CNTN4: variants seen among roughly 807,000 people sequenced by gnomAD.
The protein encoded by CNTN4 is contactin 4.
A neutral mutation model predicts 122.5 loss-of-function variants in CNTN4; 77 were observed. The ratio of observed to expected loss-of-function variants is 0.63; its 90% CI spans 0.52 to 0.76. CNTN4 has a LOEUF of 0.76. Among genes scored for constraint, CNTN4 ranks in the 30% least tolerant of loss-of-function variants. CNTN4 has a pLI of 0.00. For missense variants in CNTN4, 1,256 were observed against 1,259.1 expected, an observed-to-expected ratio of 1.00 and a Z score of 0.04; for synonymous variants, 512 against 447.0, an observed-to-expected ratio of 1.15 and a Z score of -1.83.
intron 12 of CNTN4, among the ~76,000 whole-genome samples, chr3:2,922,355 G>C (rs2094437246): frequency 6.6e-6 from 1 of 152,112 alleles, no homozygotes; most frequent in South Asian, 2.1e-4. Context: ...AGTGTTTGAG[G>C]ATGAGAATAA....
intron 4 of CNTN4, among the ~76,000 whole-genome samples, chr3:2,643,196 T>C (rs1439385677): frequency 6.6e-6 from 1 of 152,150 alleles, no homozygotes; most frequent in Non-Finnish European, 1.5e-5. Context: ...TTGTTTGAGA[T>C]GGAGTCTCTC....
At chr3:3,035,854 C>G (rs1699556155) in intron 17 of CNTN4, among the ~76,000 whole-genome samples, 1 of 151,964 alleles carries the variant, frequency 6.6e-6, no homozygotes, top group African/African-American at 2.4e-5. Flanking sequence ...TGTGTCCAGC[C>G]CCATTTTTTT....
At chr3:2,313,137 A>C in intron 2 of CNTN4, among the ~76,000 whole-genome samples, 1 of 152,052 alleles carries the variant, frequency 6.6e-6, no homozygotes, top group East Asian at 1.9e-4. Context: ...AGAAATAGAA[A>C]CAAAAAATAG....
rs114303808 is a variant in CNTN4 at position 2,604,795 on chromosome 3, T to C, written c.55+33237T>C. 5.3e-3 allele frequency among the ~76,000 whole-genome samples: 803 copies of C among 152,276 alleles called. 5 individuals carry two copies. The highest frequency in any genetic ancestry group is 0.019 in the African/African-American group (780 of 41,560). ...CATCACAATCAATGCCATAAACTTA[T>C]TCATCACCTCCATAAGTTTTCTCCT... On this transcript the variant is annotated intron_variant, in intron 4 of 24. Transcript: ENST00000418658.
chr3:2,164,481 T>C (rs1247502094), intron 2 of CNTN4, among the ~76,000 whole-genome samples: 1 of 152,192 alleles, frequency 6.6e-6, no homozygotes, highest in Non-Finnish European at 1.5e-5. Context: ...TACCATTTCC[T>C]CTAAGCCAAA....
At chr3:2,166,772 G>A (rs1001633264) in intron 2 of CNTN4, among the ~76,000 whole-genome samples, 5 of 152,016 alleles carry the variant, frequency 3.3e-5, no homozygotes, top group Non-Finnish European at 5.9e-5. Context: ...CTTAGAGACC[G>A]TTTAGTCATT....
chr3:2,590,491 A>T (rs563682151), intron 4 of CNTN4, among the ~76,000 whole-genome samples: 91 of 151,806 alleles, frequency 6.0e-4, no homozygotes, highest in African/African-American at 2.2e-3. Flanking sequence ...TCCTAACCTC[A>T]AGTGATCTGC....
intron 2 of CNTN4, among the ~76,000 whole-genome samples, chr3:2,289,920 C>G (rs892872350): frequency 6.6e-6 from 1 of 152,064 alleles, no homozygotes; most frequent in Non-Finnish European, 1.5e-5. Context: ...TTCATACTAC[C>G]TCTCGGAAAC....
At chr3:2,258,177 C>T (rs1323925236) in intron 2 of CNTN4, among the ~76,000 whole-genome samples, 1 of 152,176 alleles carries the variant, frequency 6.6e-6, no homozygotes, top group African/African-American at 2.4e-5. Flanking sequence ...TTGCGGAAGA[C>T]AGTGTGGCAA....
At chr3:2,126,164 T>G (rs2034149359) in intron 2 of CNTN4, among the ~76,000 whole-genome samples, 2 of 152,166 alleles carry the variant, frequency 1.3e-5, no homozygotes, top group Admixed American at 1.3e-4. Flanking sequence ...TAGTTTTTCC[T>G]TAGGGACCCT....
chr3:2,518,087 A>C (rs979797414), intron 3 of CNTN4, among the ~76,000 whole-genome samples: 9 of 152,126 alleles, frequency 5.9e-5, no homozygotes, highest in African/African-American at 2.2e-4. Flanking sequence ...GTAGTATTAT[A>C]TTTCTTGTTG....
chr3:2,561,761 A>G lies in CNTN4; in HGVS notation c.-88-9655A>G, dbSNP rs559248253. On this transcript the variant is annotated intron_variant, in intron 3 of 24. Coordinates refer to ENST00000418658, the MANE Select transcript of CNTN4 (RefSeq NM_175607.3). ...GCTAAATGGTAGAGCTGGGATTTAA[A>G]CCTGGCTTGTGTGATTCTAAAGCCA... 9.8e-5 allele frequency among the ~76,000 whole-genome samples: 15 copies of G among 152,292 alleles called. No individual in the cohort carries two copies. The South Asian group carries it at 3.1e-3, about 32-fold the overall frequency.
intron 4 of CNTN4, among the ~76,000 whole-genome samples, chr3:2,727,209 A>G (rs2088291607): frequency 6.6e-6 from 1 of 152,204 alleles, no homozygotes; most frequent in East Asian, 1.9e-4. Context: ...ATTTTAGAAG[A>G]GAAATATAGC....
chr3:2,945,691 T>C lies in CNTN4; in HGVS notation c.1358+19912T>C, dbSNP rs572690516. 4.6e-5 allele frequency among the ~76,000 whole-genome samples: 7 copies of C among 152,280 alleles called. No homozygotes were observed. In the East Asian group the frequency reaches 1.2e-3, roughly 25 times the overall value. The stretch of plus-strand genomic sequence containing the variant: ...TCGACATCAGATCAATAAAACCACC[T>C]CTTCGCCTAGTTCCTATGACTTTTT... On this transcript the variant is annotated intron_variant, in intron 13 of 24. Coordinates refer to ENST00000418658, the MANE Select transcript of CNTN4 (RefSeq NM_175607.3).
At chr3:2,734,532 A>G (rs959699350) in intron 4 of CNTN4, among the ~76,000 whole-genome samples, 2 of 152,042 alleles carry the variant, frequency 1.3e-5, no homozygotes, top group Non-Finnish European at 2.9e-5. Context: ...ATCCTCACCC[A>G]TCTCTTTCTC....
chr3:2,559,971 A>G (rs928455068), intron 3 of CNTN4, among the ~76,000 whole-genome samples: 3 of 152,190 alleles, frequency 2.0e-5, no homozygotes, highest in Admixed American at 1.3e-4. Flanking sequence ...ATATTTTCAG[A>G]TGAATGTTCT....
intron 12 of CNTN4, among the ~76,000 whole-genome samples, chr3:2,919,372 A>C (rs1186374069): frequency 2.1e-5 from 2 of 96,234 alleles, no homozygotes; most frequent in Non-Finnish European, 4.5e-5. Context: ...AAAAAAAAAA[A>C]AAAAACCAGA....
intron 3 of CNTN4, among the ~76,000 whole-genome samples, chr3:2,437,813 G>A (rs886568476): frequency 6.6e-6 from 1 of 152,196 alleles, no homozygotes; most frequent in Non-Finnish European, 1.5e-5. Context: ...TGGCAAGGAG[G>A]AAAGGGGCAC....
At chr3:2,885,518 T>C (rs2093963418) in intron 9 of CNTN4, among the ~76,000 whole-genome samples, 2 of 152,256 alleles carry the variant, frequency 1.3e-5, no homozygotes, top group African/African-American at 4.8e-5. Context: ...CCTTCCTGTA[T>C]GTCAGCAATA....
Sources: allele counts gnomAD v4.1 joint callset (sites outside exome capture counted in the v4.1 genomes callset), GRCh38; gene constraint gnomAD v4.1.1; transcripts MANE v1.5; gene names NCBI Gene and HGNC (gene_info 2026-07-23, HGNC 2026-07-21).